The following ZNF782 variants were observed in gnomAD, a reference collection of about 807,000 sequenced individuals.
The protein encoded by ZNF782 is zinc finger protein 782.
A neutral mutation model predicts 13.0 loss-of-function variants in ZNF782; 12 were observed. The ratio of observed to expected loss-of-function variants is 0.92; its 90% CI spans 0.59 to 1.50. ZNF782 has a LOEUF of 1.50. Among genes scored for constraint, ZNF782 ranks in the 40% most tolerant of loss-of-function variants. The probability of loss-of-function intolerance (pLI) is 0.00; values close to 1 mark genes in which losing one functional copy is unlikely to be tolerated. For missense variants in ZNF782, 770 were observed against 822.9 expected (o/e 0.94, Z 0.79); for synonymous variants, 284 against 283.0 (o/e 1.00, Z -0.04).
the ZNF782 span, among the ~76,000 whole-genome samples, chr9:96,902,448 G>A: frequency 7.5e-6 from 1 of 132,974 alleles, no homozygotes; most frequent in Non-Finnish European, 1.5e-5. Flanking sequence ...AAAGATACTG[G>A]GAATGACTTG....
At chr9:96,899,528 A>G in the ZNF782 span, among the ~76,000 whole-genome samples, 4 of 152,224 alleles carry the variant, frequency 2.6e-5, no homozygotes, top group Non-Finnish European at 5.9e-5. Context: ...ATATCAGAAT[A>G]CCTGAAACCA....
chr9:96,877,798 G>A (rs534953500), upstream of ZNF782, among the ~76,000 whole-genome samples: 1 of 152,298 alleles, frequency 6.6e-6, no homozygotes, highest in East Asian at 1.9e-4. Flanking sequence ...AGCTTACTCG[G>A]TATCATGTGT....
chr9:96,925,369 G>A, the ZNF782 span, among the ~76,000 whole-genome samples: 2 of 152,080 alleles, frequency 1.3e-5, no homozygotes, highest in African/African-American at 4.8e-5. Context: ...CGGGCGCGGT[G>A]GCTCACGCCT....
intron 3 of ZNF782, among the ~76,000 whole-genome samples, chr9:96,848,603 A>G (rs1851405317): frequency 1.3e-5 from 2 of 152,126 alleles, no homozygotes; most frequent in Admixed American, 1.3e-4. Context: ...CAAAAAAACA[A>G]CCTAATAATA....
the ZNF782 span, among the ~76,000 whole-genome samples, chr9:96,885,416 A>C: frequency 4.6e-5 from 7 of 152,192 alleles, no homozygotes; most frequent in Non-Finnish European, 8.8e-5. Flanking sequence ...ATGAACCTGA[A>C]GACAGATCAA....
the ZNF782 span, among the ~76,000 whole-genome samples, chr9:96,903,536 T>C: frequency 6.8e-6 from 1 of 147,474 alleles, no homozygotes; most frequent in Non-Finnish European, 1.5e-5. Flanking sequence ...ATAACTTTTC[T>C]TTTTTTTAAT....
At chr9:96,873,357 T>TA (rs993017446) in intron 1 of ZNF782, among the ~76,000 whole-genome samples, 22 of 152,160 alleles carry the variant, frequency 1.4e-4, no homozygotes, top group Non-Finnish European at 3.2e-4. Context: ...GTCAAAGGTT[T>TA]AAAAAACTAG....
At chr9:96,882,380 C>A in the ZNF782 span, among the ~76,000 whole-genome samples, 1 of 152,238 alleles carries the variant, frequency 6.6e-6, no homozygotes, top group African/African-American at 2.4e-5. Flanking sequence ...TTTCCTTTTG[C>A]ATATTTCATA....
intron 4 of ZNF782, among the ~76,000 whole-genome samples, chr9:96,829,769 T>C (rs961464822): frequency 2.6e-5 from 4 of 152,090 alleles, no homozygotes; most frequent in African/African-American, 7.2e-5. Context: ...CAAATAGGAA[T>C]TGAGAAAGCA....
At chr9:96,820,204 G>T (rs531834890) in intron 5 of ZNF782, among the ~76,000 whole-genome samples, 2 of 152,288 alleles carry the variant, frequency 1.3e-5, no homozygotes, top group African/African-American at 4.8e-5. Context: ...CTGAGACAGG[G>T]TTTGCCGTAG....
chr9:96,913,239 T>C, the ZNF782 span, among the ~76,000 whole-genome samples: 1 of 151,860 alleles, frequency 6.6e-6, no homozygotes, highest in South Asian at 2.1e-4. Flanking sequence ...CACTTGAACC[T>C]GGGAGGCGGA....
chr9:96,871,354 C>G (rs1421029599), intron 1 of ZNF782, among the ~76,000 whole-genome samples: 1 of 151,818 alleles, frequency 6.6e-6, no homozygotes, highest in Non-Finnish European at 1.5e-5. Flanking sequence ...TATTCAGAGG[C>G]ACAGTCATAG....
chr9:96,831,551 T>C (rs1338669035), intron 4 of ZNF782, among the ~76,000 whole-genome samples: 1 of 150,896 alleles, frequency 6.6e-6, no homozygotes, highest in Non-Finnish European at 1.5e-5. Context: ...CTACTAAAAA[T>C]ACAAAAAAAA....
intron 3 of ZNF782, among the ~76,000 whole-genome samples, chr9:96,845,479 G>A (rs995375473): frequency 1.6e-4 from 24 of 152,098 alleles, no homozygotes; most frequent in Non-Finnish European, 2.2e-4. Context: ...GGATGGTCTC[G>A]ATCTCCTTAC....
intron 4 of ZNF782, 122 bp from the exon 5 acceptor site, chr9:96,827,303 A>C: frequency 1.8e-6 from 1 of 543,388 alleles, no homozygotes; most frequent in South Asian, 3.3e-5. Context: ...TTCCTTGGGG[A>C]AGTAACCACA....
chr9:96,895,947 G>A, the ZNF782 span: 1 of 152,190 alleles, frequency 6.6e-6, no homozygotes, highest in Non-Finnish European at 1.5e-5. Flanking sequence ...CATTCTTGTA[G>A]AGCTTGCAGA....
chr9:96,920,556 G>A, the ZNF782 span, among the ~76,000 whole-genome samples: 4 of 147,422 alleles, frequency 2.7e-5, no homozygotes, highest in African/African-American at 4.9e-5. Flanking sequence ...GTGAGCCACC[G>A]CGCCCAGCCC....
At chr9:96,894,949 C>A in the ZNF782 span, 1 of 152,198 alleles carries the variant, frequency 6.6e-6, no homozygotes, top group Admixed American at 6.5e-5. Context: ...GCTTCAAACT[C>A]CTGAGCTCAA....
the ZNF782 span, among the ~76,000 whole-genome samples, chr9:96,915,477 G>A: frequency 1.3e-5 from 2 of 150,062 alleles, no homozygotes; most frequent in African/African-American, 2.5e-5. Flanking sequence ...TCAAGAGTTC[G>A]AGACCAGCCT....
Sources: allele counts gnomAD v4.1 joint callset (sites outside exome capture counted in the v4.1 genomes callset), GRCh38; gene constraint gnomAD v4.1.1; transcripts MANE v1.5; gene names NCBI Gene and HGNC (gene_info 2026-07-23, HGNC 2026-07-21).